The following DDX27 variants were observed in gnomAD, a reference collection of about 807,000 sequenced individuals.
The protein encoded by DDX27 is DEAD-box helicase 27.
DDX27 carries 42 observed loss-of-function variants against 99.3 expected under a neutral mutation model. That is an observed-to-expected ratio of 0.42 (90% CI 0.33 to 0.55). The LOEUF (loss-of-function observed/expected upper bound fraction) is 0.55. Among genes scored for constraint, DDX27 ranks in the 20% least tolerant of loss-of-function variants. DDX27 has a pLI of 0.07. For missense variants in DDX27, 798 were observed against 976.8 expected, an observed-to-expected ratio of 0.82 and a Z score of 2.44; for synonymous variants, 329 against 353.8, an observed-to-expected ratio of 0.93 and a Z score of 0.79.
chr20:49,241,944 G>T lies in DDX27; in HGVS notation c.1949G>T (p.Arg650Met). ...FDLALRGKKKRKKFMKDAKKK... is the reference protein window; with the variant it reads ...FDLALRGKKKMKKFMKDAKKK... ...TTGGCCTTAAGAGGAAAGAAGAAAA[G>T]GAAGAAGTTTATGAAGGATGCCAAA... Residue 650 changes from arginine to methionine, a missense_variant, in exon 17 of 21, where the codon AGG (arginine) becomes ATG (methionine). Around this residue, in one of 2 missense-constraint regions of DDX27, gnomAD observed 553 missense variants for 727.9 expected, o/e 0.76. Transcript: ENST00000618172. The T allele has an allele frequency of 6.2e-7, 1 of 1,614,118 alleles. No homozygotes were observed. The highest frequency in any genetic ancestry group is 8.5e-7 in the Non-Finnish European group (1 of 1,180,036).
intron 1 of DDX27, among the ~76,000 whole-genome samples, chr20:49,220,731 C>T (rs1287979459): frequency 6.6e-6 from 1 of 152,186 alleles, no homozygotes; most frequent in Non-Finnish European, 1.5e-5. Context: ...TGTACAGTGC[C>T]CGGTCACACC....
chr20:49,221,110 C>T (rs938170339), intron 1 of DDX27, among the ~76,000 whole-genome samples: 4 of 152,248 alleles, frequency 2.6e-5, no homozygotes, highest in South Asian at 4.1e-4. Context: ...TACAGGCATG[C>T]GCCACCACGC....
chr20:49,239,392 C>A, intron 16 of DDX27, 54 bp downstream of exon 16: 1 of 1,325,576 alleles, frequency 7.5e-7, no homozygotes, highest in Non-Finnish European at 1.0e-6. Flanking sequence ...CCACAGGACT[C>A]AGCAGTTCCA....
rs747765885 is a variant in DDX27, at chr20:49,242,591, C to G, written c.2117-3C>G. The G allele has an allele frequency of 1.2e-6, 2 of 1,613,768 alleles. No individual in the cohort carries two copies. Among genetic ancestry groups the G allele is most frequent in the African/African-American group, 2.7e-5 (2 of 74,978 alleles). ...ATATGTAACCCATTCTCTCTGTGCA[C>G]AGCCAAGAAGCAAAAGCAGGGGAAG... On this transcript the variant is annotated splice_region_variant and splice_polypyrimidine_tract_variant and intron_variant, in intron 18 of 20. Coordinates refer to ENST00000618172, the MANE Select transcript of DDX27 (RefSeq NM_017895.8).
chr20:49,242,717 CTTTTTTTT>C, intron 19 of DDX27, 36 bp downstream of exon 19: 2 of 1,419,490 alleles, frequency 1.4e-6, no homozygotes, highest in Non-Finnish European at 1.9e-6. Context: ...CCTTGGTATT[CTTTTTTTT>C]TTTTTTTTTT....
At position 49,221,563 on chromosome 20, in the gene DDX27, G is replaced by A. The variant is rs748198808; in HGVS notation, c.205G>A (p.Ala69Thr). Residue 69 changes from alanine to threonine, a missense_variant, in exon 2 of 21, where the codon GCC becomes ACC. This residue lies in a region of DDX27 where 245 missense variants were observed against 248.8 expected (regional missense o/e 0.98). Transcript: ENST00000618172. Reference protein sequence around the residue: ...EKEGTYDGSWALADVMSQLKK... With the variant: ...EKEGTYDGSWTLADVMSQLKK... Reference sequence around the variant, plus strand: ...GGAGGGGACGTACGATGGCAGCTGGGCCCTGGCTGATGTCATGAGCCAACT... The same window carrying A: ...GGAGGGGACGTACGATGGCAGCTGGACCCTGGCTGATGTCATGAGCCAACT... 1 of 1,611,436 alleles carries A rather than the reference G, an allele frequency of 6.2e-7. No homozygotes were observed. Among genetic ancestry groups the A allele is most frequent in the Non-Finnish European group, 8.5e-7 (1 of 1,178,656 alleles).
Position 49,236,604 on chromosome 20 carries a change from G to A in DDX27, c.1687+94G>A, listed in dbSNP as rs531062567. On this transcript the variant is annotated intron_variant, in intron 14 of 20. Transcript: ENST00000618172. This position sits in a 1 kb window ranked among gnomAD's most constrained non-coding sequence, Gnocchi z 4.1. Reference sequence around the variant, plus strand: ...GAGAGCAGGTACTTTGCAGTTCAGAGCCAGATTTGAATTCCAGCCCTGCTG... The same window carrying A: ...GAGAGCAGGTACTTTGCAGTTCAGAACCAGATTTGAATTCCAGCCCTGCTG... The A allele has an allele frequency of 1.6e-6, 2 of 1,283,772 alleles. No homozygotes were observed. Among genetic ancestry groups the A allele is most frequent in the South Asian group, 4.2e-5 (2 of 47,828 alleles). The allele number at this position is 1,283,772 out of a possible 1,614,324, so 79.5% of individuals were successfully genotyped here. A position where few individuals can be genotyped will look rare whatever the true frequency, so the allele number is the denominator to read the frequency against.
chr20:49,225,341 A>G, intron 6 of DDX27, 142 bp downstream of exon 6: 1 of 716,314 alleles, frequency 1.4e-6, no homozygotes, highest in South Asian at 1.7e-5. Flanking sequence ...GTGCCTGGCC[A>G]GTAGTGGCTT....
At chr20:49,223,940 C>A (rs1385915972) in intron 4 of DDX27, among the ~76,000 whole-genome samples, 1 of 151,994 alleles carries the variant, frequency 6.6e-6, no homozygotes, top group Non-Finnish European at 1.5e-5. Flanking sequence ...TGCAGTAGTG[C>A]AATCATACCT....
chr20:49,238,699 C>T, intron 14 of DDX27: 3 of 478,950 alleles, frequency 6.3e-6, no homozygotes, highest in South Asian at 5.0e-5. Context: ...AACTCCTGAC[C>T]TCAGGTGATC....
chr20:49,228,744 T>G lies in DDX27; in HGVS notation c.736T>G (p.Leu246Val). 6.2e-7 allele frequency: 1 copy of G among 1,611,686 alleles called. No individual in the cohort carries two copies. The highest frequency in any genetic ancestry group is 8.5e-7 in the Non-Finnish European group (1 of 1,178,422). The change falls in exon 8 of 21, where the codon TTG becomes GTG. Residue 246 changes from leucine to valine, a missense_variant. Coordinates refer to ENST00000618172, the MANE Select transcript of DDX27 (RefSeq NM_017895.8). ...GKTAAFALPV[L>V]ERLIYKPRQA... ...AACTGCCGCCTTTGCCCTGCCTGTT[T>G]TGGAGCGTCTGATTTATAAACCCCG...
intron 4 of DDX27, 88 bp downstream of exon 4, chr20:49,223,521 GCA>G: frequency 1.6e-6 from 2 of 1,284,036 alleles, no homozygotes; most frequent in Non-Finnish European, 2.1e-6. Flanking sequence ...CCACTCTTCT[GCA>G]CAGTTTATCT....
intron 8 of DDX27, among the ~76,000 whole-genome samples, chr20:49,229,666 T>TTTTTTTTA (rs1980031070): frequency 6.6e-6 from 1 of 150,940 alleles, no homozygotes; most frequent in Non-Finnish European, 1.5e-5. Flanking sequence ...TTTTTTTTTT[T>TTTTTTTTA]GAGAGGAAGT....
chr20:49,233,438 A>G lies in DDX27; in HGVS notation c.1131+33A>G, dbSNP rs773363318. 11 of 1,609,318 alleles carry G rather than the reference A, an allele frequency of 6.8e-6. No homozygotes were observed. The East Asian group carries it at 1.6e-4, about 23-fold the overall frequency. ...GAGGGACTTCTCTGTGGCGGGTGGCAGGTGTGCCCAGAGGGGGCCATGCAG... is the reference window on the plus strand; with the variant it reads ...GAGGGACTTCTCTGTGGCGGGTGGCGGGTGTGCCCAGAGGGGGCCATGCAG... On this transcript the variant is annotated intron_variant, in intron 10 of 20. Transcript: ENST00000618172.
chr20:49,228,154 T>C (rs528417085), intron 7 of DDX27, among the ~76,000 whole-genome samples: 1 of 151,596 alleles, frequency 6.6e-6, no homozygotes, highest in South Asian at 2.1e-4. Flanking sequence ...TTTTCTTTTT[T>C]TTTTTGAGAC....
intron 8 of DDX27, among the ~76,000 whole-genome samples, chr20:49,229,720 C>G (rs1980033366): frequency 6.8e-6 from 1 of 147,418 alleles, no homozygotes; most frequent in Non-Finnish European, 1.5e-5. Context: ...ATGATCTTGG[C>G]TCACTGCAAC....
chr20:49,242,355 G>C (rs1443713220), intron 18 of DDX27, 149 bp downstream of exon 18: 5 of 1,365,608 alleles, frequency 3.7e-6, no homozygotes, highest in Non-Finnish European at 4.9e-6. Context: ...ATCCCTCCAC[G>C]GTCTAAGGGG....
chr20:49,233,960 ACCCGTCAGT>A, intron 11 of DDX27: 1 of 471,620 alleles, frequency 2.1e-6, no homozygotes, highest in African/African-American at 1.9e-5. Context: ...CTGCTGTTGT[ACCCGTCAGT>A]CCAGACCACT....
intron 7 of DDX27, among the ~76,000 whole-genome samples, chr20:49,227,141 C>T (rs1478375992): frequency 2.0e-5 from 3 of 151,988 alleles, no homozygotes; most frequent in Admixed American, 6.6e-5. Context: ...GGATTACAGG[C>T]GTGAGCCACC....
Sources: gnomAD v4.1 joint callset for allele counts (sites outside exome capture counted in the v4.1 genomes callset) on GRCh38, gnomAD v4.1.1 for gene constraint, gnomAD v4.1.1 regional missense constraint, Gnocchi (gnomAD v3.1) non-coding constraint, MANE v1.5 for transcripts, NCBI Gene and HGNC (gene_info 2026-07-23, HGNC 2026-07-21) for gene names.